Variants in ANK1 observed in about 807,000 individuals in gnomAD.
ANK1 encodes ankyrin-1.
Under a neutral mutation model 210.4 loss-of-function variants are expected in ANK1, and 51 were observed. That is an observed-to-expected ratio of 0.24 (90% CI 0.19 to 0.31). The LOEUF (loss-of-function observed/expected upper bound fraction) is 0.31. ANK1 is among the 10% of genes least tolerant of loss of function. The pLI, the probability that ANK1 is intolerant of heterozygous loss-of-function variation, is 1.00. For synonymous variants in ANK1, 967 were observed against 1,025.9 expected, an observed-to-expected ratio of 0.94 and a Z score of 1.10; for missense variants, 2,051 against 2,504.4, an observed-to-expected ratio of 0.82 and a Z score of 3.86.
At position 41,724,448 on chromosome 8, in the gene ANK1, AG is replaced by A; in HGVS notation, c.711+7del. ...CGGACAGTGAGGGCGCACGTGCCCCAGGGTTACCTGTGGTGTGAAATTGACG... is the reference window on the plus strand; with the variant it reads ...CGGACAGTGAGGGCGCACGTGCCCCAGGTTACCTGTGGTGTGAAATTGACG... On this transcript the variant is annotated splice_region_variant and intron_variant, in intron 7 of 42. Transcript: ENST00000289734. 4.5e-6 allele frequency: 7 copies of A among 1,566,408 alleles called. No individual in the cohort carries two copies. The highest frequency in any genetic ancestry group is 1.4e-5 in the African/African-American group (1 of 73,954).
At chr8:41,826,236 G>C (rs886137426) in intron 1 of ANK1, among the ~76,000 whole-genome samples, 1 of 152,246 alleles carries the variant, frequency 6.6e-6, no homozygotes, top group South Asian at 2.1e-4. Flanking sequence ...TCTAGAAAAG[G>C]CTACTCTGGC....
chr8:41,694,214 T>A lies in ANK1; in HGVS notation c.3328-112A>T, dbSNP rs1162181450. ...GCCGTCAGTGCACGGGGTCCCGCCC[T>A]GCTGTTGGACCACAGAACCGACACG... On this transcript the variant is annotated intron_variant, in intron 28 of 42. Coordinates refer to ENST00000289734, the MANE Select transcript of ANK1 (RefSeq NM_000037.4). This position sits in a 1 kb window ranked among gnomAD's most constrained non-coding sequence, Gnocchi z 5.7. 5.1e-6 allele frequency: 6 copies of A among 1,175,620 alleles called. No individual in the cohort carries two copies. Among genetic ancestry groups the A allele is most frequent in the Non-Finnish European group, 7.2e-6 (6 of 830,514 alleles). 72.8% of individuals were successfully genotyped at this position (1,175,620 alleles called of 1,614,324 possible). A position where few individuals can be genotyped will look rare whatever the true frequency, so the allele number is the denominator to read the frequency against.
In ANK1 at chr8:41,705,579, T is replaced by C. The variant is rs558955821; in HGVS notation, c.2097+564A>G. Among the ~76,000 whole-genome samples, 3 of 152,328 alleles carry C rather than the reference T, an allele frequency of 2.0e-5. No individual in the cohort carries two copies. In the South Asian group the frequency reaches 6.2e-4, roughly 32 times the overall value. ...CCTTGTGGGGAAAAGAAACAAAATG[T>C]GGCTTCTTCCATGAAGCCCACCTCC... is the stretch of plus-strand genomic sequence containing the variant. On this transcript the variant is annotated intron_variant, in intron 18 of 42. Coordinates refer to ENST00000289734, the MANE Select transcript of ANK1 (RefSeq NM_000037.4).
intron 1 of ANK1, among the ~76,000 whole-genome samples, chr8:41,878,116 C>T (rs1045525348): frequency 6.6e-6 from 1 of 152,214 alleles, no homozygotes; most frequent in Non-Finnish European, 1.5e-5. Flanking sequence ...TTCTCAAACC[C>T]ATTATGCGAC....
At chr8:41,659,382 G>A (rs531780884) in intron 42 of ANK1, among the ~76,000 whole-genome samples, 2 of 152,326 alleles carry the variant, frequency 1.3e-5, no homozygotes, top group African/African-American at 4.8e-5. Flanking sequence ...CACGGGTTGG[G>A]CGACTCAAAC....
chr8:41,891,659 G>C (rs897966168), intron 1 of ANK1, among the ~76,000 whole-genome samples: 2 of 152,224 alleles, frequency 1.3e-5, no homozygotes, highest in Non-Finnish European at 2.9e-5. Context: ...AGCAGGGAGG[G>C]AGGAGCTGAA....
chr8:41,882,979 A>G (rs1198254223), intron 1 of ANK1, among the ~76,000 whole-genome samples: 1 of 152,128 alleles, frequency 6.6e-6, no homozygotes, highest in Non-Finnish European at 1.5e-5. Context: ...GCCCTCCCCA[A>G]AGTCACTCTT....
In ANK1 at chr8:41,672,628, C is replaced by G. The variant is rs367961998; in HGVS notation, c.4822G>C (p.Glu1608Gln). The G allele has an allele frequency of 3.7e-6, 6 of 1,614,118 alleles. No homozygotes were observed. The African/African-American group carries it at 8.0e-5, about 22-fold the overall frequency. ...CCCAACTCGGGGCCCCGCGGTTCCT[C>G]TGAGAGTGCCCCCTCCAACTTCCAC... ...HEWKLEGALS[E>Q]EPRGPELGSL... Residue 1608 changes from glutamate to glutamine, a missense_variant, in exon 38 of 43, where the codon GAG becomes CAG. Glu to Gln is a conservative substitution (Grantham distance 29, BLOSUM62 2). Coordinates refer to ENST00000289734, the MANE Select transcript of ANK1 (RefSeq NM_000037.4).
intron 1 of ANK1, chr8:41,896,310 T>C (rs1191792791): frequency 6.4e-7 from 1 of 1,573,596 alleles, no homozygotes. Context: ...AGCAGCCACT[T>C]GCAGGTGCCG....
intron 1 of ANK1, among the ~76,000 whole-genome samples, chr8:41,773,804 G>A (rs775355433): frequency 9.2e-5 from 14 of 152,180 alleles, no homozygotes; most frequent in Middle Eastern, 3.4e-3. Flanking sequence ...AGTTCCCCAC[G>A]GCCACGGTGC....
chr8:41,672,137 G>C (rs960791517), intron 38 of ANK1, among the ~76,000 whole-genome samples: 1 of 152,154 alleles, frequency 6.6e-6, no homozygotes, highest in Non-Finnish European at 1.5e-5. Flanking sequence ...CTCTCCTGCC[G>C]GGCATACCTG....
At chr8:41,669,749 T>C (rs1811683213) in intron 38 of ANK1, among the ~76,000 whole-genome samples, 1 of 152,174 alleles carries the variant, frequency 6.6e-6, no homozygotes, top group African/African-American at 2.4e-5. Context: ...CGGCCACCGC[T>C]GCCGTCCCAG....
At chr8:41,835,451 CAAAAAT>C (rs1158276886) in intron 1 of ANK1, among the ~76,000 whole-genome samples, 1 of 151,416 alleles carries the variant, frequency 6.6e-6, no homozygotes, top group African/African-American at 2.4e-5. Context: ...GACTCCGTCT[CAAAAAT>C]AAAATAAAAT....
At chr8:41,721,409 C>T (rs533957618) in intron 9 of ANK1, among the ~76,000 whole-genome samples, 1 of 152,226 alleles carries the variant, frequency 6.6e-6, no homozygotes, top group Non-Finnish European at 1.5e-5. Context: ...GTAATTCCCG[C>T]ACTTTGGGAA....
intron 1 of ANK1, among the ~76,000 whole-genome samples, chr8:41,783,352 A>G (rs2150750118): frequency 1.3e-5 from 2 of 152,286 alleles, no homozygotes; most frequent in East Asian, 3.9e-4. Context: ...CTCAAGTTGA[A>G]ATCTGCTTTC....
In ANK1 at chr8:41,690,581, G is replaced by A. The variant is rs1257696116; in HGVS notation, c.3877C>T (p.Leu1293=). 7 of 1,613,456 alleles carry A rather than the reference G, an allele frequency of 4.3e-6. No homozygotes were observed. Among genetic ancestry groups the A allele is most frequent in the African/African-American group, 2.7e-5 (2 of 74,942 alleles). The change falls in exon 32 of 43, where the codon CTG becomes TTG. Residue 1293 remains leucine (L), a synonymous_variant. Transcript: ENST00000289734. ...AGGTTCCCAGAGAGTTCTGCAAACA[G>A]GGACATTCCTTCCAACACCTGCAGG... ...RDIEVLEGMS[L]FAELSGNLVP... is the part of the protein sequence containing the mutation.
At chr8:41,870,983 C>G (rs1484326587) in intron 1 of ANK1, among the ~76,000 whole-genome samples, 1 of 152,174 alleles carries the variant, frequency 6.6e-6, no homozygotes, top group South Asian at 2.1e-4. Context: ...CTCTCAACAA[C>G]CTCAACTCAT....
At chr8:41,842,170 C>T (rs745733908) in intron 1 of ANK1, among the ~76,000 whole-genome samples, 1 of 152,130 alleles carries the variant, frequency 6.6e-6, no homozygotes, top group Non-Finnish European at 1.5e-5. Flanking sequence ...AGCGTTGCTC[C>T]CTGACCAGTG....
In ANK1 at chr8:41,668,155, G is replaced by A. The variant is rs1012912929; in HGVS notation, c.5394+112C>T. The stretch of plus-strand genomic sequence containing the variant: ...GGAAGCACCACCACAAGTGTTAAAG[G>A]AAGGGGATATGCTTAGCTCAGGGCT... On this transcript the variant is annotated intron_variant, in intron 39 of 42. Transcript: ENST00000289734. The A allele has an allele frequency of 4.1e-6, 6 of 1,448,832 alleles. No homozygotes were observed. In the African/African-American group the frequency reaches 8.4e-5, roughly 20 times the overall value. The allele number at this position is 1,448,832 out of a possible 1,614,324, so 89.7% of individuals were successfully genotyped here.
Sources: gnomAD v4.1 joint callset for allele counts (sites outside exome capture counted in the v4.1 genomes callset) on GRCh38, gnomAD v4.1.1 for gene constraint, Gnocchi (gnomAD v3.1) non-coding constraint, MANE v1.5 for transcripts, NCBI Gene and HGNC (gene_info 2026-07-23, HGNC 2026-07-21) for gene names.